Variants in RNF207 observed in about 807,000 individuals in gnomAD.
RNF207 encodes the protein ring finger protein 207, also known as OTTHUMG00000001089.
Under a neutral mutation model 79.0 loss-of-function variants are expected in RNF207, and 72 were observed. The ratio of observed to expected loss-of-function variants is 0.91; its 90% confidence interval spans 0.75 to 1.11. The LOEUF (loss-of-function observed/expected upper bound fraction) is 1.11. RNF207 is among the 50% of genes least tolerant of loss of function. The pLI is 0.00. For synonymous variants in RNF207, 348 were observed against 366.2 expected, an observed-to-expected ratio of 0.95 and a Z score of 0.57; for missense variants, 936 against 855.8, an observed-to-expected ratio of 1.09 and a Z score of -1.17.
chr1:6,209,367 G>C (rs1668058034), intron 6 of RNF207, 24 bp downstream of exon 6: 2 of 1,528,646 alleles, frequency 1.3e-6, no homozygotes, highest in Non-Finnish European at 1.8e-6. Context: ...CCTGGCGCGC[G>C]GGGCCGCGCG....
Position 6,207,530 on chromosome 1 carries a change from G to T in RNF207, c.324+19G>T. The T allele has an allele frequency of 6.3e-7, 1 of 1,588,304 alleles. No individual in the cohort carries two copies. The highest frequency in any genetic ancestry group is 8.5e-7 in the Non-Finnish European group (1 of 1,169,594). Reference sequence around the variant, plus strand: ...CGAGCAGGCAGGGGCGGCAGGGCGGGTGGGTGAGGAGCAGAGGGTACCCGG... The same window carrying T: ...CGAGCAGGCAGGGGCGGCAGGGCGGTTGGGTGAGGAGCAGAGGGTACCCGG... On this transcript the variant is annotated intron_variant, in intron 3 of 17. Coordinates refer to ENST00000377939, the MANE Select transcript of RNF207 (RefSeq NM_207396.3). This position sits in a 1 kb window ranked among gnomAD's most constrained non-coding sequence, Gnocchi z 4.5.
Position 6,219,190 on chromosome 1 carries a change from G to A in RNF207, c.1734-46G>A, listed in dbSNP as rs758409644. ...AAGTGGATTTTAGTGCAGGGATATG[G>A]TGAAATGGGGGAGCGGGCTGGGCTT... On this transcript the variant is annotated intron_variant, in intron 17 of 17. Transcript: ENST00000377939. The A allele has an allele frequency of 2.6e-6, 4 of 1,541,982 alleles. No individual in the cohort carries two copies. In the Admixed American group the frequency reaches 5.8e-5, roughly 22 times the overall value.
At chr1:6,216,204 T>C (rs1668354957) in intron 16 of RNF207, among the ~76,000 whole-genome samples, 1 of 152,168 alleles carries the variant, frequency 6.6e-6, no homozygotes, top group African/African-American at 2.4e-5. Flanking sequence ...GGCAGTCACC[T>C]GGAAGACTGG....
rs548171394 is a variant in RNF207 at position 6,218,465 on chromosome 1, C to T, written c.1733+96C>T. 153 of 936,694 alleles carry T rather than the reference C, an allele frequency of 1.6e-4. No individual in the cohort carries two copies. In the African/African-American group the frequency reaches 2.3e-3, roughly 14 times the overall value. The allele number at this position is 936,694 out of a possible 1,614,324, so 58.0% of individuals were successfully genotyped here. On this transcript the variant is annotated intron_variant, in intron 17 of 17. Coordinates refer to ENST00000377939, the MANE Select transcript of RNF207 (RefSeq NM_207396.3). ...AACTCCAGGCTTTTCCCCTTTGGCGCCAGCTCTGGGGCCCTGGCTGGGCCT... is the reference window on the plus strand; with the variant it reads ...AACTCCAGGCTTTTCCCCTTTGGCGTCAGCTCTGGGGCCCTGGCTGGGCCT...
At chr1:6,212,074 C>CGG (rs201365005) in intron 13 of RNF207, 21 bp downstream of exon 13, 69 of 1,558,698 alleles carry the variant, frequency 4.4e-5, no homozygotes, top group Non-Finnish European at 5.6e-5. Context: ...AGGGATCTGC[C>CGG]GGAGGGGGGA....
chr1:6,215,491 AT>A lies in RNF207; in HGVS notation c.1652+2311del. 1.3e-5 allele frequency among the ~76,000 whole-genome samples: 2 copies of A among 151,802 alleles called. 1 individual carries two copies. The highest frequency in any genetic ancestry group is 1.3e-4 in the Admixed American group (2 of 15,252). ...CTCTTTATCTTCCATTAAGTAGTTC[AT>A]TTCTGCTATCTTGTTTTGCATGTCC... On this transcript the variant is annotated intron_variant, in intron 16 of 17. Transcript: ENST00000377939.
At chr1:6,214,983 T>C (rs1172396862) in intron 16 of RNF207, among the ~76,000 whole-genome samples, 2 of 151,658 alleles carry the variant, frequency 1.3e-5, no homozygotes, top group African/African-American at 4.8e-5. Context: ...TATTGTTGGA[T>C]ATTGGCTCCC....
At chr1:6,210,142 C>A (rs78257181) in intron 8 of RNF207, 81 bp from the exon 9 acceptor site, 19 of 1,386,666 alleles carry the variant, frequency 1.4e-5, no homozygotes, top group Admixed American at 6.9e-5. Context: ...GACGGACATG[C>A]GAAGCTGGAG....
intron 10 of RNF207, 137 bp downstream of exon 10, chr1:6,210,575 T>G: frequency 1.5e-6 from 1 of 670,220 alleles, no homozygotes. Context: ...CCCTCCCAAC[T>G]CCATCATCTG....
chr1:6,212,572 C>A, intron 14 of RNF207, 110 bp from the exon 15 acceptor site: 1 of 1,254,140 alleles, frequency 8.0e-7, no homozygotes, highest in Non-Finnish European at 1.2e-6. Context: ...CTTGGAACCA[C>A]GTGGACCTGG....
At chr1:6,218,620 G>A (rs534554970) in intron 17 of RNF207, among the ~76,000 whole-genome samples, 20 of 152,292 alleles carry the variant, frequency 1.3e-4, no homozygotes, top group African/African-American at 4.8e-4. Flanking sequence ...CATGGCTGCT[G>A]CCTGCATCCA....
intron 13 of RNF207, 77 bp downstream of exon 13, chr1:6,212,130 G>C: frequency 1.3e-6 from 2 of 1,546,812 alleles, no homozygotes; most frequent in East Asian, 4.6e-5. Flanking sequence ...GGGAAATCGA[G>C]TTCTCCCAGC....
chr1:6,217,871 G>A lies in RNF207; in HGVS notation c.1653-418G>A, dbSNP rs1668413433. 3.9e-5 allele frequency among the ~76,000 whole-genome samples: 6 copies of A among 152,152 alleles called. No individual in the cohort carries two copies. On this transcript the variant is annotated intron_variant, in intron 16 of 17. Coordinates refer to ENST00000377939, the MANE Select transcript of RNF207 (RefSeq NM_207396.3). The surrounding 1 kb of genome is among the most constrained non-coding windows in gnomAD (Gnocchi z 4.2). The stretch of plus-strand genomic sequence containing the variant: ...CCCCTCATAACACCCTAGTCACAAT[G>A]CCCTTTCAGTTCCCCAAAAAAGCTA...
In RNF207 at chr1:6,207,604, A is replaced by T; in HGVS notation, c.324+93A>T. 1 of 1,402,922 alleles carries T rather than the reference A, an allele frequency of 7.1e-7. No homozygotes were observed. Among genetic ancestry groups the T allele is most frequent in the East Asian group, 2.5e-5 (1 of 40,592 alleles). The allele number at this position is 1,402,922 out of a possible 1,614,324, so 86.9% of individuals were successfully genotyped here. The stretch of plus-strand genomic sequence containing the variant: ...CATGCACTCAGCATGTCTTCAGAGG[A>T]CGACCTGGCAGTGGATTCTCCAGCA... On this transcript the variant is annotated intron_variant, in intron 3 of 17. Transcript: ENST00000377939. This position sits in a 1 kb window ranked among gnomAD's most constrained non-coding sequence, Gnocchi z 4.5.
chr1:6,215,313 C>T (rs1016108739), intron 16 of RNF207, among the ~76,000 whole-genome samples: 3 of 151,862 alleles, frequency 2.0e-5, no homozygotes, highest in Admixed American at 1.3e-4. Flanking sequence ...CAGGCGTGAG[C>T]CACTGCACCC....
At chr1:6,213,205 C>A in intron 16 of RNF207, 22 bp downstream of exon 16, 1 of 1,485,144 alleles carries the variant, frequency 6.7e-7, no homozygotes, top group South Asian at 1.1e-5. Context: ...GGGGTGTTCC[C>A]AGGGCCACTG....
intron 10 of RNF207, 28 bp from the exon 11 acceptor site, chr1:6,210,842 C>T (rs572034786): frequency 1.2e-5 from 19 of 1,571,364 alleles, no homozygotes; most frequent in Admixed American, 3.7e-5. Flanking sequence ...ACACCTCCAC[C>T]GGCCTGAGGC....
chr1:6,212,455 C>G (rs779942716), intron 14 of RNF207, 39 bp downstream of exon 14: 1 of 1,555,822 alleles, frequency 6.4e-7, no homozygotes. Flanking sequence ...CCCCACCTGT[C>G]AGGGGATACC....
At chr1:6,208,526 C>T in intron 3 of RNF207, 1 of 234,806 alleles carries the variant, frequency 4.3e-6, no homozygotes. Flanking sequence ...GCCATGTTGG[C>T]CAGCTCCTGA....
Sources: gnomAD v4.1 joint callset for allele counts (sites outside exome capture counted in the v4.1 genomes callset) on GRCh38, gnomAD v4.1.1 for gene constraint, Gnocchi (gnomAD v3.1) non-coding constraint, MANE v1.5 for transcripts, NCBI Gene and HGNC (gene_info 2026-07-23, HGNC 2026-07-21) for gene names.